The following KANK2 variants were observed in gnomAD, a reference collection of about 807,000 sequenced individuals.
The protein encoded by KANK2 is KN motif and ankyrin repeat domains 2, also known as KN motif and ankyrin repeat domain-containing protein 2.
KANK2 carries 41 observed loss-of-function variants against 74.6 expected under a neutral mutation model. That is an observed-to-expected ratio of 0.55 (90% CI 0.43 to 0.71). The LOEUF (loss-of-function observed/expected upper bound fraction) is 0.71, where lower values mean the gene tolerates loss of function less well. Ranked by LOEUF, KANK2 falls within the 30% of genes least tolerant of loss-of-function variation. The pLI is 0.00. For missense variants in KANK2, 1,148 were observed against 1,196.4 expected, an observed-to-expected ratio of 0.96 and a Z score of 0.60; for synonymous variants, 537 against 519.0, an observed-to-expected ratio of 1.03 and a Z score of -0.47.
At chr19:11,182,074 T>A (rs970325764) in intron 4 of KANK2, among the ~76,000 whole-genome samples, 7 of 151,854 alleles carry the variant, frequency 4.6e-5, no homozygotes, top group Non-Finnish European at 8.8e-5. Flanking sequence ...TGTGCCACCA[T>A]GCCTGGCTAA....
chr19:11,166,450 G>T lies in KANK2; in HGVS notation c.*108C>A. On this transcript the variant is annotated 3_prime_UTR_variant, in exon 13 of 13. Transcript: ENST00000586659. ...GAGCTCGCTTGCCTTTGAGCCGTGG[G>T]CCTTGGGGAGTGTGAGTGGGGTGGG... The T allele has an allele frequency of 9.7e-7, 1 of 1,030,484 alleles. No individual in the cohort carries two copies. The highest frequency in any genetic ancestry group is 1.5e-6 in the Non-Finnish European group (1 of 660,490). The allele number at this position is 1,030,484 out of a possible 1,614,324, so 63.8% of individuals were successfully genotyped here.
Position 11,176,823 on chromosome 19 carries a change from G to A in KANK2, c.1521-6C>T. The A allele has an allele frequency of 6.6e-7, 1 of 1,505,338 alleles. No individual in the cohort carries two copies. Among genetic ancestry groups the A allele is most frequent in the East Asian group, 2.4e-5 (1 of 42,056 alleles). The allele number at this position is 1,505,338 out of a possible 1,614,324, so 93.2% of individuals were successfully genotyped here. On this transcript the variant is annotated splice_region_variant and splice_polypyrimidine_tract_variant and intron_variant, in intron 6 of 12. Coordinates refer to ENST00000586659, the MANE Select transcript of KANK2 (RefSeq NM_001136191.3). The stretch of plus-strand genomic sequence containing the variant: ...CCTCGGATGACGACTCATACCTGGG[G>A]AGGAACGAGCGGGGAGGGGGAGATG...
At chr19:11,190,262 G>A (rs995454862) in intron 4 of KANK2, among the ~76,000 whole-genome samples, 3 of 152,110 alleles carry the variant, frequency 2.0e-5, no homozygotes, top group Non-Finnish European at 4.4e-5. Flanking sequence ...AGCCTAGCTA[G>A]GACTACAGGC....
chr19:11,188,283 A>G (rs1177174882), intron 4 of KANK2, among the ~76,000 whole-genome samples: 1 of 151,488 alleles, frequency 6.6e-6, no homozygotes, highest in Non-Finnish European at 1.5e-5. Flanking sequence ...AGCTCAGCTC[A>G]CTGCAATTTC....
intron 4 of KANK2, among the ~76,000 whole-genome samples, chr19:11,189,370 G>A (rs1179032372): frequency 2.0e-5 from 3 of 151,862 alleles, no homozygotes; most frequent in South Asian, 4.2e-4. Context: ...CTCAAAGGCC[G>A]AGAAGGTTGG....
chr19:11,195,801 G>C lies in KANK2; in HGVS notation c.-259C>G, dbSNP rs555703822. On this transcript the variant is annotated 5_prime_UTR_variant, in exon 2 of 13. Transcript: ENST00000586659. The stretch of plus-strand genomic sequence containing the variant: ...CCTGTCTTTCCACGTCTCTGTCTTC[G>C]CTTCTCTGTCTTTCAACACCTGGAA... 6.6e-6 allele frequency: 1 copy of C among 151,998 alleles called. No homozygotes were observed. The highest frequency in any genetic ancestry group is 1.5e-5 in the Non-Finnish European group (1 of 68,102). 9.4% of individuals were successfully genotyped at this position (151,998 alleles called of 1,614,324 possible). A position where few individuals can be genotyped will look rare whatever the true frequency, so the allele number is the denominator to read the frequency against.
rs762873476 is a variant in KANK2 at position 11,173,142 on chromosome 19, A to AC, written c.2069-20dup. ...CAGACACCTAAGAGACATGGTGTGAACCCTCAGACCAGGGATCGCTGCTAG... is the reference window on the plus strand; with the variant it reads ...CAGACACCTAAGAGACATGGTGTGAACCCCTCAGACCAGGGATCGCTGCTAG... On this transcript the variant is annotated intron_variant, in intron 9 of 12. Coordinates refer to ENST00000586659, the MANE Select transcript of KANK2 (RefSeq NM_001136191.3). 1 of 1,602,220 alleles carries AC rather than the reference A, an allele frequency of 6.2e-7. No homozygotes were observed. The highest frequency in any genetic ancestry group is 8.5e-7 in the Non-Finnish European group (1 of 1,173,052).
Position 11,166,685 on chromosome 19 carries a change from C to A in KANK2, c.2503-74G>T, listed in dbSNP as rs1281409706. On this transcript the variant is annotated intron_variant, in intron 12 of 12. Coordinates refer to ENST00000586659, the MANE Select transcript of KANK2 (RefSeq NM_001136191.3). Reference sequence around the variant, plus strand: ...CCCGAGGCGCCAACGTGGTGGCTGGCCTGGTAGATATGATGGGTAAGCAGG... The same window carrying A: ...CCCGAGGCGCCAACGTGGTGGCTGGACTGGTAGATATGATGGGTAAGCAGG... 2.8e-6 allele frequency: 4 copies of A among 1,430,604 alleles called. No individual in the cohort carries two copies. The African/African-American group carries it at 5.6e-5, about 20-fold the overall frequency. The allele number at this position is 1,430,604 out of a possible 1,614,324, so 88.6% of individuals were successfully genotyped here. A position where few individuals can be genotyped will look rare whatever the true frequency, so the allele number is the denominator to read the frequency against.
chr19:11,184,236 T>C (rs1026192196), intron 4 of KANK2, among the ~76,000 whole-genome samples: 1 of 137,172 alleles, frequency 7.3e-6, no homozygotes, highest in Admixed American at 7.6e-5. Context: ...ATTAGCAGAG[T>C]ATGCTGGCAG....
chr19:11,173,044 C>G lies in KANK2; in HGVS notation c.2148G>C (p.Gln716His). The change falls in exon 10 of 13, where the codon CAG becomes CAC. Residue 716 changes from glutamine to histidine, a missense_variant. Transcript: ENST00000586659. ...GCTGAAGGACAGTCTCGATGTCGTC[C>G]TGGGTCTTCAGGGTGGCCAGGGCGG... is the stretch of plus-strand genomic sequence containing the variant. The part of the protein sequence containing the change: ...MLTALATLKT[Q>H]DDIETVLQLF... 6.2e-7 allele frequency: 1 copy of G among 1,614,154 alleles called. No homozygotes were observed. The highest frequency in any genetic ancestry group is 8.5e-7 in the Non-Finnish European group (1 of 1,180,012).
chr19:11,168,556 C>T (rs1244918664), intron 12 of KANK2, among the ~76,000 whole-genome samples: 4 of 152,068 alleles, frequency 2.6e-5, no homozygotes, highest in Non-Finnish European at 4.4e-5. Context: ...GGATTACAGA[C>T]GTGAGCCACC....
At chr19:11,194,756 C>G (rs1286476855) in intron 2 of KANK2, 166 bp from the exon 3 acceptor site, 3 of 458,374 alleles carry the variant, frequency 6.5e-6, no homozygotes, top group Non-Finnish European at 1.2e-5. Flanking sequence ...CCCCCGACCC[C>G]CTCCCCCCCG....
chr19:11,190,220 C>T (rs1432711797), intron 4 of KANK2, among the ~76,000 whole-genome samples: 1 of 152,108 alleles, frequency 6.6e-6, no homozygotes, highest in African/African-American at 2.4e-5. Context: ...ATGCAACCTC[C>T]GCCTCCTAGG....
At chr19:11,174,185 G>A (rs116780224) in intron 9 of KANK2, among the ~76,000 whole-genome samples, 2,157 of 150,626 alleles carry the variant, frequency 0.014, 44 homozygotes, top group African/African-American at 0.049. Flanking sequence ...CTGGGAGGGC[G>A]GCATCTCCTC....
chr19:11,192,621 A>G, intron 4 of KANK2: 2 of 559,174 alleles, frequency 3.6e-6, no homozygotes, highest in Admixed American at 2.5e-5. Context: ...TTTTTAGTAG[A>G]GATGGGTTTC....
rs542636017 is a variant in KANK2, at chr19:11,180,468, G to A, written c.1250-1748C>T. On this transcript the variant is annotated intron_variant, in intron 4 of 12. Transcript: ENST00000586659. ...GCAATATTCAACTTTAGTACAGAAC[G>A]GTGACCAAATGCTGGACATAGGCAA... is the stretch of plus-strand genomic sequence containing the variant. Among the ~76,000 whole-genome samples the A allele has an allele frequency of 3.0e-3, 456 of 152,032 alleles. 2 individuals carry two copies. The highest frequency in any genetic ancestry group is 5.0e-3 in the Non-Finnish European group (339 of 67,998).
At position 11,170,002 on chromosome 19, in the gene KANK2, T is replaced by C; in HGVS notation, c.2413-36A>G. ...TCCGGTGCTATGAATGACGTCCCCA[T>C]GCTGTGCTCCCGCCCTCCCCGGGGT... On this transcript the variant is annotated intron_variant, in intron 11 of 12. Transcript: ENST00000586659. This position sits in a 1 kb window ranked among gnomAD's most constrained non-coding sequence, Gnocchi z 5.2. The C allele has an allele frequency of 1.2e-6, 2 of 1,612,554 alleles. No homozygotes were observed. The highest frequency in any genetic ancestry group is 1.7e-6 in the Non-Finnish European group (2 of 1,178,644).
At chr19:11,169,252 T>C (rs1344758451) in intron 12 of KANK2, among the ~76,000 whole-genome samples, 1 of 151,394 alleles carries the variant, frequency 6.6e-6, no homozygotes, top group Non-Finnish European at 1.5e-5. Context: ...GCAGGAGAAT[T>C]GCTCGAACCT....
chr19:11,171,622 G>A (rs117339792), intron 10 of KANK2, among the ~76,000 whole-genome samples: 1,899 of 151,592 alleles, frequency 0.013, 15 homozygotes, highest in Non-Finnish European at 0.02. Flanking sequence ...AATTTATCCC[G>A]CTTTGTTCTC....
Sources: gnomAD v4.1 joint callset for allele counts (sites outside exome capture counted in the v4.1 genomes callset) on GRCh38, gnomAD v4.1.1 for gene constraint, Gnocchi (gnomAD v3.1) non-coding constraint, MANE v1.5 for transcripts, NCBI Gene and HGNC (gene_info 2026-07-23, HGNC 2026-07-21) for gene names.